The following GRTP1 variants were observed in gnomAD, a reference collection of about 807,000 sequenced individuals.
GRTP1 encodes growth hormone-regulated TBC protein 1.
A neutral mutation model predicts 38.1 loss-of-function variants in GRTP1; 56 were observed. The ratio of observed to expected loss-of-function variants is 1.47; its 90% CI spans 1.19 to 1.84. GRTP1 has a LOEUF of 1.84. Among genes scored for constraint, GRTP1 ranks in the 40% most tolerant of loss-of-function variants. The pLI, the probability that GRTP1 is intolerant of heterozygous loss-of-function variation, is 0.00. For missense variants in GRTP1, 506 were observed against 453.9 expected (o/e 1.11, Z -1.04); for synonymous variants, 217 against 189.5 (o/e 1.14, Z -1.19).
chr13:113,350,458 C>T (rs1272117876), intron 4 of GRTP1, among the ~76,000 whole-genome samples: 1 of 127,292 alleles, frequency 7.9e-6, no homozygotes, highest in Non-Finnish European at 1.6e-5. Context: ...ACAGCGCACG[C>T]ACCCACAGCA....
At position 113,348,004 on chromosome 13, in the gene GRTP1, C is replaced by CCG. The variant is rs1566433596; in HGVS notation, c.465+2844_465+2845insCG. On this transcript the variant is annotated intron_variant, in intron 4 of 7. Coordinates refer to ENST00000375431, the MANE Select transcript of GRTP1 (RefSeq NM_024719.4). This position sits in a 1 kb window ranked among gnomAD's most constrained non-coding sequence, Gnocchi z 4.8. ...AGCAGACCTGGGAGGACCTGTGTGGCTGAGCGGACCTGGGAGGACCTGTCT... is the reference window on the plus strand; with the variant it reads ...AGCAGACCTGGGAGGACCTGTGTGGCCGTGAGCGGACCTGGGAGGACCTGTCT... Among the ~76,000 whole-genome samples the CCG allele has an allele frequency of 5.3e-5, 8 of 149,786 alleles. No homozygotes were observed. Among genetic ancestry groups the CCG allele is most frequent in the African/African-American group, 1.7e-4 (7 of 40,126 alleles).
chr13:113,355,514 T>C, intron 2 of GRTP1, 33 bp from the exon 3 acceptor site: 1 of 1,581,430 alleles, frequency 6.3e-7, no homozygotes, highest in Non-Finnish European at 8.6e-7. Flanking sequence ...GCGTGTGAGC[T>C]GGACCAGGGG....
At chr13:113,326,674 A>C (rs763461471) in intron 5 of GRTP1, among the ~76,000 whole-genome samples, 104 of 151,888 alleles carry the variant, frequency 6.8e-4, no homozygotes, top group Non-Finnish European at 9.9e-4. Context: ...CTGTCTCAAA[A>C]AAACAAACAA....
Position 113,331,748 on chromosome 13 carries a change from C to A in GRTP1, c.563-5657G>T, listed in dbSNP as rs569317477. On this transcript the variant is annotated intron_variant, in intron 5 of 7. Transcript: ENST00000375431. ...TCGGCTCACTGCAACCTCCGCCTCCCAGGTTAAAGCGATTCTCCTGCCTCA... is the reference window on the plus strand; with the variant it reads ...TCGGCTCACTGCAACCTCCGCCTCCAAGGTTAAAGCGATTCTCCTGCCTCA... Among the ~76,000 whole-genome samples, 20 of 149,668 alleles carry A rather than the reference C, an allele frequency of 1.3e-4. 1 individual carries two copies. The South Asian group carries it at 1.7e-3, about 13-fold the overall frequency.
At chr13:113,333,874 T>TGTGTGTGTGTGCGC (rs33972835) in intron 5 of GRTP1, among the ~76,000 whole-genome samples, 1 of 135,264 alleles carries the variant, frequency 7.4e-6, no homozygotes, top group Non-Finnish European at 1.5e-5. Context: ...TGTGTGTGTG[T>TGTGTGTGTGTGCGC]CCGAGGCTGG....
chr13:113,325,221 C>T, intron 7 of GRTP1: 1 of 1,155,132 alleles, frequency 8.7e-7, no homozygotes, highest in South Asian at 3.5e-5. Context: ...CCTCCACTCC[C>T]TCTTAGGAAA....
At chr13:113,332,362 TGCACACGCACACCACACAC>T (rs1309606676) in intron 5 of GRTP1, among the ~76,000 whole-genome samples, 73 of 130,058 alleles carry the variant, frequency 5.6e-4, no homozygotes, top group African/African-American at 2.2e-3. Context: ...GGTACACACG[TGCACACGCACACCACACAC>T]GCACACGCAC....
chr13:113,326,832 C>G (rs185551225), intron 5 of GRTP1, among the ~76,000 whole-genome samples: 1 of 152,162 alleles, frequency 6.6e-6, no homozygotes, highest in Non-Finnish European at 1.5e-5. Context: ...AATGTCCACA[C>G]GACGGAATAT....
At chr13:113,357,880 C>A (rs1209393543) in intron 2 of GRTP1, among the ~76,000 whole-genome samples, 1 of 152,246 alleles carries the variant, frequency 6.6e-6, no homozygotes, top group Non-Finnish European at 1.5e-5. Flanking sequence ...ACCTGGAAAT[C>A]ATATATTTAA....
chr13:113,363,954 C>G (rs1471390037), intron 1 of GRTP1, 44 bp from the exon 2 acceptor site: 1 of 1,586,860 alleles, frequency 6.3e-7, no homozygotes, highest in East Asian at 2.3e-5. Context: ...GAAGTTTCCT[C>G]TGGGGGGTCG....
intron 3 of GRTP1, among the ~76,000 whole-genome samples, chr13:113,354,592 A>G (rs1041845800): frequency 6.7e-6 from 1 of 150,184 alleles, no homozygotes; most frequent in Admixed American, 6.6e-5. Flanking sequence ...GCGGTGGTGC[A>G]ATCCCAACTC....
chr13:113,338,781 A>G (rs886349672), intron 5 of GRTP1, among the ~76,000 whole-genome samples: 17 of 151,916 alleles, frequency 1.1e-4, no homozygotes, highest in Non-Finnish European at 5.9e-5. Context: ...TTCCACCTTC[A>G]TGCTCACCAG....
chr13:113,357,455 A>AAAAAG (rs2043416129), intron 2 of GRTP1, among the ~76,000 whole-genome samples: 1 of 150,514 alleles, frequency 6.6e-6, no homozygotes, highest in African/African-American at 2.5e-5. Flanking sequence ...AAAAAAAAAA[A>AAAAAG]AAAAAAGAAT....
At chr13:113,360,603 G>A (rs1566444826) in intron 2 of GRTP1, among the ~76,000 whole-genome samples, 1 of 152,178 alleles carries the variant, frequency 6.6e-6, no homozygotes, top group Admixed American at 6.5e-5. Context: ...GTCACACTGG[G>A]ACCCAGGCCC....
intron 5 of GRTP1, among the ~76,000 whole-genome samples, chr13:113,331,598 G>C (rs1240075098): frequency 1.3e-5 from 2 of 151,286 alleles, no homozygotes; most frequent in African/African-American, 2.4e-5. Context: ...CTCAGACGCA[G>C]CTCAGGTTAC....
chr13:113,346,246 C>T (rs2043126410), intron 4 of GRTP1, among the ~76,000 whole-genome samples: 1 of 132,052 alleles, frequency 7.6e-6, no homozygotes, highest in Admixed American at 7.8e-5. Context: ...GGGAGGACCT[C>T]TGTGGCCGAG....
chr13:113,337,712 A>AGCTGCT (rs2042973074), intron 5 of GRTP1, among the ~76,000 whole-genome samples: 2 of 152,228 alleles, frequency 1.3e-5, no homozygotes, highest in Admixed American at 1.3e-4. Flanking sequence ...GACCCCAGAG[A>AGCTGCT]CCAGCCTCCT....
rs377088614 is a variant in GRTP1 at position 113,355,502 on chromosome 13, C to T, written c.182-21G>A. 8.7e-5 allele frequency: 139 copies of T among 1,597,914 alleles called. 2 individuals are homozygous for T. The South Asian group carries it at 1.3e-3, about 15-fold the overall frequency. ...CTTCACTGAAGGCCGAGAGGACGGA[C>T]AGCGTGTGAGCTGGACCAGGGGCCT... On this transcript the variant is annotated intron_variant, in intron 2 of 7. Coordinates refer to ENST00000375431, the MANE Select transcript of GRTP1 (RefSeq NM_024719.4).
chr13:113,344,960 C>A lies in GRTP1; in HGVS notation c.466-1G>T. 6.3e-7 allele frequency: 1 copy of A among 1,587,748 alleles called. No individual in the cohort carries two copies. The highest frequency in any genetic ancestry group is 2.3e-5 in the East Asian group (1 of 44,318). On this transcript the variant is annotated splice_acceptor_variant, in intron 4 of 7. Transcript: ENST00000375431. LOFTEE classifies it high-confidence loss of function. ...GATATCCTGCTATAAAATTCATTCC[C>A]TGAAATTAGAAAAATGAGAAACAAA...
Sources: allele counts gnomAD v4.1 joint callset (sites outside exome capture counted in the v4.1 genomes callset), GRCh38; gene constraint gnomAD v4.1.1; non-coding constraint Gnocchi (gnomAD v3.1); transcripts MANE v1.5; gene names NCBI Gene and HGNC (gene_info 2026-07-23, HGNC 2026-07-21).